RSRC1: variants seen among roughly 807,000 people sequenced by gnomAD.
RSRC1 encodes arginine and serine rich coiled-coil 1.
RSRC1 carries 39 observed loss-of-function variants against 49.1 expected under a neutral mutation model. That is an observed-to-expected ratio of 0.79 (90% CI 0.61 to 1.04). RSRC1 has a LOEUF of 1.04. Among genes scored for constraint, RSRC1 ranks in the 50% least tolerant of loss-of-function variants. The probability of loss-of-function intolerance (pLI) is 0.00; values close to 1 mark genes in which losing one functional copy is unlikely to be tolerated. For synonymous variants in RSRC1, 143 were observed against 130.8 expected (o/e 1.09, Z -0.63); for missense variants, 388 against 402.4 (o/e 0.96, Z 0.31).
intron 7 of RSRC1, among the ~76,000 whole-genome samples, chr3:158,529,978 T>C (rs1284687442): frequency 1.3e-5 from 2 of 151,878 alleles, no homozygotes; most frequent in East Asian, 3.9e-4. Flanking sequence ...CTGGGCCTTT[T>C]GTGCCTTCTC....
At chr3:158,395,460 T>C (rs547772273) in intron 6 of RSRC1, among the ~76,000 whole-genome samples, 23 of 152,028 alleles carry the variant, frequency 1.5e-4, no homozygotes, top group Non-Finnish European at 3.2e-4. Context: ...CCAGAATCTA[T>C]AAGGTACTTA....
At chr3:158,331,001 G>A (rs1363860127) in intron 5 of RSRC1, among the ~76,000 whole-genome samples, 1 of 152,012 alleles carries the variant, frequency 6.6e-6, no homozygotes, top group Non-Finnish European at 1.5e-5. Context: ...GGCAGCAGAC[G>A]ATACAGAGAG....
intron 1 of RSRC1, among the ~76,000 whole-genome samples, chr3:158,119,613 T>G (rs1040631485): frequency 6.6e-6 from 1 of 151,918 alleles, no homozygotes. Flanking sequence ...GATATAAGTA[T>G]ATGTGTGTGT....
intron 6 of RSRC1, among the ~76,000 whole-genome samples, chr3:158,453,353 A>G (rs1737150505): frequency 6.7e-6 from 1 of 149,910 alleles, no homozygotes; most frequent in African/African-American, 2.5e-5. Context: ...ATTTTGTCAG[A>G]TAGGCCAAAA....
At chr3:158,362,473 G>A (rs761626636) in intron 6 of RSRC1, among the ~76,000 whole-genome samples, 24 of 152,178 alleles carry the variant, frequency 1.6e-4, no homozygotes, top group Admixed American at 4.6e-4. Context: ...AGAAACAGAG[G>A]ATCTAGCTGT....
chr3:158,529,780 A>G (rs1207362033), intron 7 of RSRC1, among the ~76,000 whole-genome samples: 1 of 152,002 alleles, frequency 6.6e-6, no homozygotes, highest in Non-Finnish European at 1.5e-5. Flanking sequence ...CATGGTTTCT[A>G]CCGCCTAACT....
intron 6 of RSRC1, 174 bp downstream of exon 6, chr3:158,355,082 G>A (rs940423228): frequency 6.7e-6 from 3 of 446,160 alleles, no homozygotes; most frequent in African/African-American, 2.1e-5. Context: ...TATTGCCGCA[G>A]TATAATGCTA....
intron 7 of RSRC1, among the ~76,000 whole-genome samples, chr3:158,530,967 T>C (rs1420851279): frequency 6.7e-6 from 1 of 150,234 alleles, no homozygotes; most frequent in Non-Finnish European, 1.5e-5. Flanking sequence ...GAAAGACATT[T>C]AATTTTTTAA....
intron 7 of RSRC1, among the ~76,000 whole-genome samples, chr3:158,534,581 G>T (rs1405878109): frequency 6.6e-6 from 1 of 151,274 alleles, no homozygotes; most frequent in Non-Finnish European, 1.5e-5. Context: ...CATTTTTTCT[G>T]CCCAGCTAGC....
chr3:158,132,012 G>C, intron 3 of RSRC1: 2 of 307,662 alleles, frequency 6.5e-6, no homozygotes, highest in Admixed American at 6.9e-5. Flanking sequence ...GAGACAGAGT[G>C]TTGCTCTGTC....
intron 6 of RSRC1, among the ~76,000 whole-genome samples, chr3:158,385,588 G>T (rs1156982351): frequency 6.6e-6 from 1 of 152,092 alleles, no homozygotes; most frequent in African/African-American, 2.4e-5. Context: ...GAGTAATAAA[G>T]TCCTTTTGAT....
At chr3:158,198,445 C>T (rs184405128) in intron 3 of RSRC1, among the ~76,000 whole-genome samples, 53 of 152,002 alleles carry the variant, frequency 3.5e-4, no homozygotes, top group African/African-American at 1.2e-3. Context: ...CTCTACCCAC[C>T]TTGCCAGTCT....
At chr3:158,239,127 T>G (rs562916193) in intron 4 of RSRC1, among the ~76,000 whole-genome samples, 1 of 152,276 alleles carries the variant, frequency 6.6e-6, no homozygotes, top group Non-Finnish European at 1.5e-5. Flanking sequence ...TCATCACTGG[T>G]CATCAGAGAA....
chr3:158,190,366 T>C (rs1720165985), intron 3 of RSRC1, among the ~76,000 whole-genome samples: 2 of 151,984 alleles, frequency 1.3e-5, no homozygotes, highest in African/African-American at 4.8e-5. Flanking sequence ...GGATGTTCAT[T>C]GTGTGCCTCT....
At position 158,540,766 on chromosome 3, in the gene RSRC1, A is replaced by G. The variant is rs567738291; in HGVS notation, c.760-2569A>G. Among the ~76,000 whole-genome samples, 5 of 152,312 alleles carry G rather than the reference A, an allele frequency of 3.3e-5. No homozygotes were observed. The South Asian group carries it at 1.0e-3, about 32-fold the overall frequency. On this transcript the variant is annotated intron_variant, in intron 8 of 9. Transcript: ENST00000611884. ...CTAGTCCAGGACCCATTCAGCAGCCAAAACAATATTTTTCAAGAATAATTA... is the reference window on the plus strand; with the variant it reads ...CTAGTCCAGGACCCATTCAGCAGCCGAAACAATATTTTTCAAGAATAATTA...
chr3:158,114,250 G>C (rs1276267059), intron 1 of RSRC1, among the ~76,000 whole-genome samples: 1 of 152,192 alleles, frequency 6.6e-6, no homozygotes, highest in Non-Finnish European at 1.5e-5. Flanking sequence ...TTATTAAATA[G>C]GGAGTCCTTT....
chr3:158,129,284 CTTTCTTTT>C (rs1183786478), intron 3 of RSRC1, among the ~76,000 whole-genome samples: 7 of 99,946 alleles, frequency 7.0e-5, no homozygotes, highest in Admixed American at 3.2e-4. Flanking sequence ...ACATTTCTTT[CTTTCTTTT>C]TTTTTTTTTT....
intron 1 of RSRC1, among the ~76,000 whole-genome samples, chr3:158,115,427 A>G (rs1042450832): frequency 1.3e-5 from 2 of 152,044 alleles, no homozygotes; most frequent in Non-Finnish European, 2.9e-5. Flanking sequence ...GGTATCTTAG[A>G]GCAGAGGTTC....
intron 7 of RSRC1, among the ~76,000 whole-genome samples, chr3:158,504,424 A>C (rs73877215): frequency 0.11 from 16,129 of 152,232 alleles, 1,012 homozygotes; most frequent in African/African-American, 0.18. Context: ...GCTACTATGA[A>C]AATATTTTAA....
Sources: allele counts gnomAD v4.1 joint callset (sites outside exome capture counted in the v4.1 genomes callset), GRCh38; gene constraint gnomAD v4.1.1; transcripts MANE v1.5; gene names NCBI Gene and HGNC (gene_info 2026-07-23, HGNC 2026-07-21).